RPS6KA2: variants seen among roughly 807,000 people sequenced by gnomAD.
The protein encoded by RPS6KA2 is ribosomal protein S6 kinase A2, also known as ribosomal protein S6 kinase alpha-2.
In RPS6KA2, 42 loss-of-function variants were observed where a neutral mutation model predicts 91.8. That is an observed-to-expected ratio of 0.46 (90% CI 0.36 to 0.59). RPS6KA2 has a LOEUF of 0.59. Among genes scored for constraint, RPS6KA2 ranks in the 20% least tolerant of loss-of-function variants. The pLI, the probability that RPS6KA2 is intolerant of heterozygous loss-of-function variation, is 0.00. For synonymous variants in RPS6KA2, 414 were observed against 393.6 expected, an observed-to-expected ratio of 1.05 and a Z score of -0.61; for missense variants, 798 against 978.5, an observed-to-expected ratio of 0.82 and a Z score of 2.46.
Position 166,626,942 on chromosome 6 carries a change from G to C in RPS6KA2, c.78C>G (p.Ser26Arg). 6.4e-7 allele frequency: 1 copy of C among 1,552,040 alleles called. No individual in the cohort carries two copies. The highest frequency in any genetic ancestry group is 8.7e-7 in the Non-Finnish European group (1 of 1,147,708). The change falls in exon 1 of 21, where the codon AGC becomes AGG. Residue 26 changes from serine to arginine, a missense_variant. Physicochemically the swap from Ser to Arg is moderately radical, Grantham distance 110. Transcript: ENST00000265678. The surrounding 1 kb of genome is among the most constrained non-coding windows in gnomAD (Gnocchi z 4.1). ...VYLRRKSRSK[S>R]SSLSRLEEEG... ...TTACCTCGAGCCGGCTCAGGCTGGA[G>C]CTCTTGGAGCGCGACTTCCTGCGCA...
intron 2 of RPS6KA2, among the ~76,000 whole-genome samples, chr6:166,716,051 A>AGG: frequency 4.1e-5 from 4 of 96,754 alleles, no homozygotes; most frequent in African/African-American, 9.1e-5. Flanking sequence ...AAAAAAAAAA[A>AGG]AAAAAAAAAA....
At chr6:166,569,948 G>A (rs75515697) in intron 1 of RPS6KA2, among the ~76,000 whole-genome samples, 3,469 of 152,204 alleles carry the variant, frequency 0.023, 156 homozygotes, top group African/African-American at 0.079. Context: ...CTGCCATTGC[G>A]CTGAGGATCA....
At chr6:166,663,961 G>A (rs1037741028) in intron 2 of RPS6KA2, among the ~76,000 whole-genome samples, 1 of 152,232 alleles carries the variant, frequency 6.6e-6, no homozygotes, top group Non-Finnish European at 1.5e-5. Context: ...AGATGTCTCT[G>A]TTTTATTATC....
intron 2 of RPS6KA2, among the ~76,000 whole-genome samples, chr6:166,763,751 A>G (rs1183916628): frequency 6.6e-6 from 1 of 152,180 alleles, no homozygotes; most frequent in Non-Finnish European, 1.5e-5. Flanking sequence ...AACGGCGACG[A>G]CCTTGTTAGT....
At chr6:166,719,110 G>A (rs1790101919) in intron 2 of RPS6KA2, among the ~76,000 whole-genome samples, 1 of 152,172 alleles carries the variant, frequency 6.6e-6, no homozygotes, top group South Asian at 2.1e-4. Flanking sequence ...CTTTACAGGG[G>A]AAACTGCCAC....
chr6:166,742,579 G>C (rs1255978599), intron 2 of RPS6KA2, among the ~76,000 whole-genome samples: 1 of 152,146 alleles, frequency 6.6e-6, no homozygotes, highest in Non-Finnish European at 1.5e-5. Flanking sequence ...GCCACGGGAG[G>C]GGAGGACGGC....
chr6:166,523,656 G>A (rs1782931653), intron 3 of RPS6KA2, among the ~76,000 whole-genome samples: 1 of 152,016 alleles, frequency 6.6e-6, no homozygotes, highest in Non-Finnish European at 1.5e-5. Context: ...TTTCTCCCCT[G>A]GGAATCTGAA....
chr6:166,423,255 C>T lies in RPS6KA2; in HGVS notation c.1743+1G>A. 1 of 1,609,644 alleles carries T rather than the reference C, an allele frequency of 6.2e-7. No individual in the cohort carries two copies. The highest frequency in any genetic ancestry group is 1.3e-5 in the African/African-American group (1 of 74,996). On this transcript the variant is annotated splice_donor_variant, in intron 17 of 20. Coordinates refer to ENST00000265678, the MANE Select transcript of RPS6KA2 (RefSeq NM_021135.6). LOFTEE classifies it high-confidence loss of function. The surrounding 1 kb of genome is among the most constrained non-coding windows in gnomAD (Gnocchi z 4.8). ...TGGGTCTGCAGTCGGGGAATGCTCACCTCCGGGGCCACGAAATTGGCCGTG... is the reference window on the plus strand; with the variant it reads ...TGGGTCTGCAGTCGGGGAATGCTCATCTCCGGGGCCACGAAATTGGCCGTG...
intron 2 of RPS6KA2, among the ~76,000 whole-genome samples, chr6:166,819,879 C>T (rs1236019703): frequency 1.3e-5 from 2 of 152,116 alleles, no homozygotes; most frequent in African/African-American, 4.8e-5. Context: ...GAAAGGGGAG[C>T]TCTGGGTTAA....
At chr6:166,469,098 T>C (rs1948853698) in intron 11 of RPS6KA2, among the ~76,000 whole-genome samples, 1 of 152,212 alleles carries the variant, frequency 6.6e-6, no homozygotes, top group East Asian at 1.9e-4. Flanking sequence ...CTCCGAGTTT[T>C]AGCCGCGAGA....
At chr6:166,440,048 A>T (rs1362731255) in intron 14 of RPS6KA2, 1 of 152,264 alleles carries the variant, frequency 6.6e-6, no homozygotes, top group African/African-American at 2.4e-5. Context: ...CCTTGGGGAC[A>T]CTGGACTTTA....
rs115577151 is a variant in RPS6KA2 at position 166,523,061 on chromosome 6, A to T, written c.298+8171T>A. ...AGGTATTAAAGATGACAAGTAATGAAAAAAATCTATTTCCTCCTTTTTGAA... is the reference window on the plus strand; with the variant it reads ...AGGTATTAAAGATGACAAGTAATGATAAAAATCTATTTCCTCCTTTTTGAA... On this transcript the variant is annotated intron_variant, in intron 3 of 20. Coordinates refer to ENST00000265678, the MANE Select transcript of RPS6KA2 (RefSeq NM_021135.6). Among the ~76,000 whole-genome samples, 389 of 152,364 alleles carry T rather than the reference A, an allele frequency of 2.6e-3. 1 individual carries two copies. The highest frequency in any genetic ancestry group is 9.0e-3 in the African/African-American group (375 of 41,584).
intron 2 of RPS6KA2, among the ~76,000 whole-genome samples, chr6:166,534,440 A>G (rs1051622933): frequency 6.6e-6 from 1 of 152,102 alleles, no homozygotes; most frequent in Non-Finnish European, 1.5e-5. Context: ...TGGACGGTGC[A>G]GCCTTCACAA....
At chr6:166,454,051 C>G (rs937769174) in intron 12 of RPS6KA2, among the ~76,000 whole-genome samples, 2 of 151,896 alleles carry the variant, frequency 1.3e-5, no homozygotes, top group African/African-American at 4.8e-5. Context: ...AGAATGGAGA[C>G]GTGGAAGGGT....
At chr6:166,481,445 T>C (rs1241715638) in intron 10 of RPS6KA2, among the ~76,000 whole-genome samples, 2 of 152,260 alleles carry the variant, frequency 1.3e-5, no homozygotes, top group Non-Finnish European at 2.9e-5. Flanking sequence ...TCTTAAAGTA[T>C]TTGCTGCAGA....
intron 3 of RPS6KA2, among the ~76,000 whole-genome samples, chr6:166,511,287 G>A (rs570297322): frequency 3.9e-5 from 6 of 152,254 alleles, no homozygotes; most frequent in African/African-American, 9.6e-5. Flanking sequence ...GCATACATAC[G>A]TGATCCCTGC....
chr6:166,804,264 C>A (rs1224605808), intron 2 of RPS6KA2, among the ~76,000 whole-genome samples: 2 of 151,910 alleles, frequency 1.3e-5, no homozygotes, highest in Non-Finnish European at 2.9e-5. Flanking sequence ...AAATAAAGTT[C>A]AATGAGAGGT....
chr6:166,599,807 C>G (rs1238942213), intron 1 of RPS6KA2, among the ~76,000 whole-genome samples: 2 of 152,206 alleles, frequency 1.3e-5, no homozygotes, highest in African/African-American at 4.8e-5. Flanking sequence ...ACACAGGCTT[C>G]TGTGTGCATC....
At chr6:166,680,414 C>T (rs570936523) in intron 2 of RPS6KA2, among the ~76,000 whole-genome samples, 1 of 152,202 alleles carries the variant, frequency 6.6e-6, no homozygotes, top group Admixed American at 6.5e-5. Context: ...TAAAAGCAGG[C>T]CGCCCCAGCC....
Sources: allele counts gnomAD v4.1 joint callset (sites outside exome capture counted in the v4.1 genomes callset), GRCh38; gene constraint gnomAD v4.1.1; non-coding constraint Gnocchi (gnomAD v3.1); transcripts MANE v1.5; gene names NCBI Gene and HGNC (gene_info 2026-07-23, HGNC 2026-07-21).